TBL1XR1: variants seen among roughly 807,000 people sequenced by gnomAD.
TBL1XR1 encodes the protein F-box-like/WD repeat-containing protein TBL1XR1.
Under a neutral mutation model 66.9 loss-of-function variants are expected in TBL1XR1, and 5 were observed. The observed-to-expected ratio is 0.07, with a 90% CI of 0.04 to 0.16. TBL1XR1 has a LOEUF of 0.16. Ranked by LOEUF, TBL1XR1 falls within the 10% of genes least tolerant of loss-of-function variation. TBL1XR1 has a pLI of 1.00. For synonymous variants in TBL1XR1, 210 were observed against 206.0 expected, an observed-to-expected ratio of 1.02 and a Z score of -0.17; for missense variants, 238 against 623.2, an observed-to-expected ratio of 0.38 and a Z score of 6.58.
chr3:177,095,922 T>TA (rs1484055338), intron 2 of TBL1XR1, among the ~76,000 whole-genome samples: 1 of 152,216 alleles, frequency 6.6e-6, no homozygotes, highest in African/African-American at 2.4e-5. Context: ...AGGAGATGGA[T>TA]ATCCCACTTA....
intron 2 of TBL1XR1, chr3:177,091,272 TTTATA>T (rs1722809899): frequency 6.6e-6 from 1 of 152,066 alleles, no homozygotes; most frequent in Non-Finnish European, 1.5e-5. Flanking sequence ...TACGTATAAT[TTTATA>T]TTATGTTTAT....
At chr3:177,040,436 G>A (rs573432146) in intron 10 of TBL1XR1, among the ~76,000 whole-genome samples, 77 of 152,210 alleles carry the variant, frequency 5.1e-4, no homozygotes, top group Non-Finnish European at 9.0e-4. Flanking sequence ...CTCCCTCATT[G>A]TGTATATCCA....
At chr3:177,176,611 G>A (rs373276761) in intron 1 of TBL1XR1, among the ~76,000 whole-genome samples, 3 of 149,674 alleles carry the variant, frequency 2.0e-5, no homozygotes, top group South Asian at 2.3e-4. Context: ...TCAGGAGTTC[G>A]AGACCAGCCC....
upstream of TBL1XR1, among the ~76,000 whole-genome samples, chr3:177,198,020 T>G (rs1025011969): frequency 1.3e-5 from 2 of 151,058 alleles, no homozygotes; most frequent in South Asian, 2.1e-4. Context: ...CCGGCGGCGT[T>G]GGGGGCTGGG....
At position 177,072,470 on chromosome 3, in the gene TBL1XR1, CAA is replaced by C. The variant is rs11362981; in HGVS notation, c.-45-7450_-45-7449del. On this transcript the variant is annotated intron_variant, in intron 2 of 15. Transcript: ENST00000457928. ...TTGTATTTTTTCACCACTATGCACT[CAA>C]AAAAAAAAAAAAAATTCCCTGAAGA... Among the ~76,000 whole-genome samples, 434 of 128,758 alleles carry C rather than the reference CAA, an allele frequency of 3.4e-3. 2 individuals are homozygous for C. The highest frequency in any genetic ancestry group is 0.023 in the East Asian group (110 of 4,810). 84.5% of individuals were successfully genotyped at this position (128,758 alleles called of 152,430 possible).
chr3:177,196,847 C>T (rs1414048356), intron 1 of TBL1XR1, among the ~76,000 whole-genome samples: 1 of 151,806 alleles, frequency 6.6e-6, no homozygotes, highest in African/African-American at 2.4e-5. Context: ...GGTGAGGATC[C>T]CCCGAGACCG....
At chr3:177,069,107 C>G (rs1420550363) in intron 2 of TBL1XR1, among the ~76,000 whole-genome samples, 1 of 152,086 alleles carries the variant, frequency 6.6e-6, no homozygotes, top group Non-Finnish European at 1.5e-5. Flanking sequence ...TCTGTGTCAT[C>G]TATAAAATGA....
At chr3:177,190,635 T>C (rs1351148446) in intron 1 of TBL1XR1, among the ~76,000 whole-genome samples, 1 of 152,158 alleles carries the variant, frequency 6.6e-6, no homozygotes, top group Non-Finnish European at 1.5e-5. Context: ...TCCATTTTCA[T>C]CTAAGAAACT....
chr3:177,200,351 G>T (rs570439423), upstream of TBL1XR1, among the ~76,000 whole-genome samples: 3 of 152,198 alleles, frequency 2.0e-5, no homozygotes, highest in Non-Finnish European at 4.4e-5. Context: ...AGCAAAGGGG[G>T]TTTTAAATCA....
At chr3:177,113,949 A>G (rs1725965942) in intron 1 of TBL1XR1, among the ~76,000 whole-genome samples, 1 of 152,174 alleles carries the variant, frequency 6.6e-6, no homozygotes, top group East Asian at 1.9e-4. Flanking sequence ...TCTAAAAAAA[A>G]ATTTAAAACA....
chr3:177,190,219 T>C (rs771325296), intron 1 of TBL1XR1, among the ~76,000 whole-genome samples: 6 of 146,352 alleles, frequency 4.1e-5, no homozygotes, highest in Non-Finnish European at 8.9e-5. Context: ...TATAACCAGA[T>C]AAAGTCAACT....
At chr3:177,135,811 T>C (rs1411342719) in intron 1 of TBL1XR1, among the ~76,000 whole-genome samples, 1 of 151,856 alleles carries the variant, frequency 6.6e-6, no homozygotes, top group East Asian at 1.9e-4. Flanking sequence ...CCTGCTCTAC[T>C]GGCATTTACA....
At chr3:177,162,311 T>C (rs1732311946) in intron 1 of TBL1XR1, among the ~76,000 whole-genome samples, 1 of 152,220 alleles carries the variant, frequency 6.6e-6, no homozygotes, top group South Asian at 2.1e-4. Flanking sequence ...TGAACACAGG[T>C]CAATACAGTG....
At chr3:177,071,241 CAA>C (rs1339588929) in intron 2 of TBL1XR1, among the ~76,000 whole-genome samples, 1 of 151,854 alleles carries the variant, frequency 6.6e-6, no homozygotes, top group African/African-American at 2.4e-5. Flanking sequence ...CTAAGAATCT[CAA>C]AGAGTGGAAC....
intron 1 of TBL1XR1, among the ~76,000 whole-genome samples, chr3:177,146,888 C>A (rs1730322234): frequency 6.6e-6 from 1 of 152,080 alleles, no homozygotes; most frequent in Admixed American, 6.6e-5. Flanking sequence ...TCAAATAATG[C>A]CCAAGAGTTT....
At chr3:177,193,357 C>A (rs1046927457) in intron 1 of TBL1XR1, among the ~76,000 whole-genome samples, 2 of 151,758 alleles carry the variant, frequency 1.3e-5, no homozygotes, top group Admixed American at 6.6e-5. Flanking sequence ...ATCGCCCAGG[C>A]TGGAGTGCAA....
At chr3:177,098,123 C>T (rs1245608720) in intron 2 of TBL1XR1, among the ~76,000 whole-genome samples, 6 of 152,006 alleles carry the variant, frequency 3.9e-5, no homozygotes, top group Non-Finnish European at 7.4e-5. Context: ...GCAGGACAAT[C>T]GCTTTAACCT....
At chr3:177,130,764 G>C (rs1478152383) in intron 1 of TBL1XR1, among the ~76,000 whole-genome samples, 4 of 152,176 alleles carry the variant, frequency 2.6e-5, no homozygotes, top group African/African-American at 7.2e-5. Context: ...GATTATCAAA[G>C]CCCAGACTAA....
At position 177,156,096 on chromosome 3, in the gene TBL1XR1, C is replaced by CA. The variant is rs1003291099; in HGVS notation, c.-122+41024dup. Reference sequence around the variant, plus strand: ...AAATACAGGATAAACTTTCTTAGAACAAAAAAAAACAGAAACCATTAAAAA... The same window carrying CA: ...AAATACAGGATAAACTTTCTTAGAACAAAAAAAAAACAGAAACCATTAAAAA... On this transcript the variant is annotated intron_variant, in intron 1 of 15. Transcript: ENST00000457928. Among the ~76,000 whole-genome samples, 29 of 51,482 alleles carry CA rather than the reference C, an allele frequency of 5.6e-4. No homozygotes were observed. In the East Asian group the frequency reaches 6.4e-3, roughly 11 times the overall value. The allele number at this position is 51,482 out of a possible 152,430, so 33.8% of individuals were successfully genotyped here.
Sources: gnomAD v4.1 joint callset for allele counts (sites outside exome capture counted in the v4.1 genomes callset) on GRCh38, gnomAD v4.1.1 for gene constraint, MANE v1.5 for transcripts, NCBI Gene and HGNC (gene_info 2026-07-23, HGNC 2026-07-21) for gene names.